Variants in SLC8A1 observed in about 807,000 individuals in gnomAD.
SLC8A1 encodes solute carrier family 8 member A1, also known as sodium/calcium exchanger 1.
Under a neutral mutation model 68.3 loss-of-function variants are expected in SLC8A1, and 18 were observed. That is an observed-to-expected ratio of 0.26 (90% CI 0.18 to 0.39). The LOEUF is 0.39. Ranked by LOEUF, SLC8A1 falls within the 10% of genes least tolerant of loss-of-function variation. The probability of loss-of-function intolerance (pLI) is 1.00; values close to 1 mark genes in which losing one functional copy is unlikely to be tolerated. For synonymous variants in SLC8A1, 475 were observed against 415.5 expected, an observed-to-expected ratio of 1.14 and a Z score of -1.74; for missense variants, 985 against 1,156.7, an observed-to-expected ratio of 0.85 and a Z score of 2.15.
At chr2:40,158,444 C>T (rs1008794934) in intron 6 of SLC8A1, among the ~76,000 whole-genome samples, 2 of 152,090 alleles carry the variant, frequency 1.3e-5, no homozygotes, top group Non-Finnish European at 2.9e-5. Context: ...CAGCAGCCTG[C>T]GAATTTCTAA....
chr2:40,405,628 T>C (rs1576193941), intron 2 of SLC8A1, among the ~76,000 whole-genome samples: 1 of 152,302 alleles, frequency 6.6e-6, no homozygotes, highest in Admixed American at 6.5e-5. Flanking sequence ...TTATGGTTGG[T>C]TTGTGTGTGT....
At chr2:40,194,523 C>G (rs115875107) in intron 2 of SLC8A1, among the ~76,000 whole-genome samples, 1 of 139,760 alleles carries the variant, frequency 7.2e-6, no homozygotes, top group Non-Finnish European at 1.5e-5. Context: ...GCAAAGAAAA[C>G]GAGAGGGAGA....
exon 3 of SLC8A1, chr2:40,177,796 G>C (rs757545517): frequency 5.4e-5 from 84 of 1,551,188 alleles, no homozygotes; most frequent in Non-Finnish European, 6.8e-5. Flanking sequence ...AAGCACAAGG[G>C]AGAAACTGCA....
chr2:40,349,539 T>G (rs1670402596), intron 2 of SLC8A1, among the ~76,000 whole-genome samples: 1 of 152,204 alleles, frequency 6.6e-6, no homozygotes, highest in African/African-American at 2.4e-5. Flanking sequence ...TCTCTGCACC[T>G]CAGCTGTTTT....
chr2:40,104,855 A>C lies in SLC8A1; in HGVS notation c.*10398T>G, dbSNP rs1284222276. 8 of 151,898 alleles carry C rather than the reference A, an allele frequency of 5.3e-5. No individual in the cohort carries two copies. In the East Asian group the frequency reaches 1.5e-3, roughly 29 times the overall value. 9.4% of individuals were successfully genotyped at this position (151,898 alleles called of 1,614,324 possible). A position where few individuals can be genotyped will look rare whatever the true frequency, so the allele number is the denominator to read the frequency against. ...CCTGGAAAACACGCTTGCTAAACTGACCAATTTTTTGCTTTTTTTTTGGTT... is the reference window on the plus strand; with the variant it reads ...CCTGGAAAACACGCTTGCTAAACTGCCCAATTTTTTGCTTTTTTTTTGGTT... On this transcript the variant is annotated 3_prime_UTR_variant, in exon 8 of 8. Coordinates refer to ENST00000406785, the Ensembl canonical transcript of SLC8A1.
At chr2:40,434,989 C>T (rs1699108650) in intron 1 of SLC8A1, among the ~76,000 whole-genome samples, 1 of 152,126 alleles carries the variant, frequency 6.6e-6, no homozygotes, top group Non-Finnish European at 1.5e-5. Flanking sequence ...AGCACGGTGA[C>T]CATTCCCTGC....
chr2:40,442,158 C>G (rs1208076622), intron 1 of SLC8A1, among the ~76,000 whole-genome samples: 4 of 150,242 alleles, frequency 2.7e-5, no homozygotes, highest in Non-Finnish European at 5.9e-5. Context: ...ATGTAACTAA[C>G]CTGCACATTG....
exon 8 of SLC8A1, chr2:40,115,274 G>A (rs1326713514): frequency 1.2e-6 from 2 of 1,611,962 alleles, no homozygotes; most frequent in South Asian, 1.1e-5. Context: ...TTATGTGGCA[G>A]TAGGCCTCCA....
At position 40,451,737 on chromosome 2, in the gene SLC8A1, TCACACACACACACA is replaced by T. The variant is rs756970142; in HGVS notation, c.-25+153_-25+166del. On this transcript the variant is annotated intron_variant, in intron 1 of 7. Transcript: ENST00000406785. ...AATGTGCAGGCGCGCACACACCACA[TCACACACACACACA>T]CACACACACACACACACACACACAC... 2.1e-3 allele frequency among the ~76,000 whole-genome samples: 282 copies of T among 133,744 alleles called. 3 individuals carry two copies. The highest frequency in any genetic ancestry group is 8.1e-3 in the East Asian group (36 of 4,470). 87.7% of individuals were successfully genotyped at this position (133,744 alleles called of 152,430 possible). A position where few individuals can be genotyped will look rare whatever the true frequency, so the allele number is the denominator to read the frequency against.
chr2:40,181,037 G>T (rs537917651), intron 2 of SLC8A1, among the ~76,000 whole-genome samples: 1 of 151,960 alleles, frequency 6.6e-6, no homozygotes, highest in Non-Finnish European at 1.5e-5. Context: ...TCGGCTTACT[G>T]CAACCTCCGC....
At chr2:40,191,950 G>C (rs1382726445) in intron 2 of SLC8A1, among the ~76,000 whole-genome samples, 1 of 152,082 alleles carries the variant, frequency 6.6e-6, no homozygotes, top group East Asian at 1.9e-4. Context: ...TAGGTAGAGA[G>C]GACCTACGGG....
intron 1 of SLC8A1, among the ~76,000 whole-genome samples, chr2:40,489,461 C>T (rs1050840233): frequency 4.6e-5 from 7 of 152,080 alleles, no homozygotes; most frequent in South Asian, 2.1e-4. Flanking sequence ...CCCATGGTCA[C>T]GGTCTGTGCC....
chr2:40,409,165 G>A (rs1576233378), intron 2 of SLC8A1, among the ~76,000 whole-genome samples: 1 of 152,052 alleles, frequency 6.6e-6, no homozygotes, highest in Non-Finnish European at 1.5e-5. Context: ...AAATTTCCCT[G>A]CAATAGTCAC....
chr2:40,205,695 G>A (rs1419084049), intron 2 of SLC8A1, among the ~76,000 whole-genome samples: 1 of 151,594 alleles, frequency 6.6e-6, no homozygotes, highest in African/African-American at 2.4e-5. Flanking sequence ...ATAACTAATG[G>A]GTACTAGGCT....
chr2:40,437,174 C>T (rs1699590974), intron 1 of SLC8A1, among the ~76,000 whole-genome samples: 1 of 152,140 alleles, frequency 6.6e-6, no homozygotes, highest in South Asian at 2.1e-4. Context: ...TTGCATTAAA[C>T]TATAACGATT....
At chr2:40,276,836 G>A (rs73926151) in intron 2 of SLC8A1, among the ~76,000 whole-genome samples, 3,212 of 152,242 alleles carry the variant, frequency 0.021, 127 homozygotes, top group African/African-American at 0.073. Flanking sequence ...TGGCCAAAAT[G>A]ATTTACATTT....
intron 2 of SLC8A1, among the ~76,000 whole-genome samples, chr2:40,245,721 CT>C (rs1272605775): frequency 6.6e-6 from 1 of 151,944 alleles, no homozygotes; most frequent in Non-Finnish European, 1.5e-5. Context: ...TGACTATCTG[CT>C]GCTCTCCTGT....
chr2:40,320,215 T>A (rs1559227569), intron 2 of SLC8A1, among the ~76,000 whole-genome samples: 1 of 152,170 alleles, frequency 6.6e-6, no homozygotes, highest in Non-Finnish European at 1.5e-5. Flanking sequence ...ACACATACAT[T>A]GTTTTTCCCT....
intron 2 of SLC8A1, among the ~76,000 whole-genome samples, chr2:40,256,233 A>G (rs11903986): frequency 0.1 from 15,697 of 152,230 alleles, 828 homozygotes; most frequent in African/African-American, 0.13. Context: ...CACACTCTTA[A>G]GGACACATCA....
Sources: allele counts gnomAD v4.1 joint callset (sites outside exome capture counted in the v4.1 genomes callset), GRCh38; gene constraint gnomAD v4.1.1; transcripts MANE v1.5; gene names NCBI Gene and HGNC (gene_info 2026-07-23, HGNC 2026-07-21).